Variants in LONRF1 observed in about 807,000 individuals in gnomAD.
LONRF1 encodes the protein LON peptidase N-terminal domain and RING finger protein 1.
Under a neutral mutation model 85.8 loss-of-function variants are expected in LONRF1, and 37 were observed. That is an observed-to-expected ratio of 0.43 (90% confidence interval 0.33 to 0.57). LONRF1 has a LOEUF of 0.57. LONRF1 is among the 20% of genes least tolerant of loss of function. LONRF1 has a pLI of 0.04. For synonymous variants in LONRF1, 517 were observed against 390.1 expected, an observed-to-expected ratio of 1.33 and a Z score of -3.83; for missense variants, 1,036 against 978.0, an observed-to-expected ratio of 1.06 and a Z score of -0.79.
intron 8 of LONRF1, 65 bp downstream of exon 8, chr8:12,731,671 G>C: frequency 7.2e-7 from 1 of 1,388,212 alleles, no homozygotes; most frequent in Non-Finnish European, 9.9e-7. Flanking sequence ...TCCAGCTTGC[G>C]GTGAGGTTTT....
At chr8:12,744,167 A>T (rs567619445) in intron 1 of LONRF1, among the ~76,000 whole-genome samples, 1 of 152,326 alleles carries the variant, frequency 6.6e-6, no homozygotes, top group African/African-American at 2.4e-5. Flanking sequence ...AGATGGGCAT[A>T]AAGACCTTAA....
Position 12,722,816 on chromosome 8 carries a change from A to G in LONRF1, c.*280T>C, listed in dbSNP as rs1036027440. 7.3e-6 allele frequency: 2 copies of G among 273,110 alleles called. No individual in the cohort carries two copies. Among genetic ancestry groups the G allele is most frequent in the African/African-American group, 4.4e-5 (2 of 45,800 alleles). 16.9% of individuals were successfully genotyped at this position (273,110 alleles called of 1,614,324 possible). A position where few individuals can be genotyped will look rare whatever the true frequency, so the allele number is the denominator to read the frequency against. On this transcript the variant is annotated 3_prime_UTR_variant, in exon 12 of 12. Transcript: ENST00000398246. ...CACACACACACTCTCTCACAGACAT[A>G]AAGAGTTCTTATTTCATTTTAGAGT...
intron 11 of LONRF1, 84 bp downstream of exon 11, chr8:12,725,643 G>C (rs905284687): frequency 2.9e-6 from 4 of 1,372,052 alleles, no homozygotes; most frequent in Non-Finnish European, 4.0e-6. Flanking sequence ...AGTGCAGAAA[G>C]GACAATGAGA....
intron 11 of LONRF1, among the ~76,000 whole-genome samples, chr8:12,724,229 T>C (rs962551194): frequency 2.0e-5 from 3 of 152,160 alleles, no homozygotes; most frequent in African/African-American, 7.2e-5. Flanking sequence ...AAGGCACTCT[T>C]GTTGGGTGTG....
rs374192881 is a variant in LONRF1 at position 12,741,013 on chromosome 8, T to C, written c.841-17A>G. The C allele has an allele frequency of 1.1e-5, 17 of 1,609,832 alleles. No homozygotes were observed. The highest frequency in any genetic ancestry group is 1.4e-5 in the Non-Finnish European group (17 of 1,178,252). ...GAAGTAGACCTTTAATAAAAGCAGA[T>C]ATATAAAACCTTTGTGTTAAGAATT... On this transcript the variant is annotated splice_polypyrimidine_tract_variant and intron_variant, in intron 2 of 11. Transcript: ENST00000398246.
At chr8:12,740,807 CT>C (rs878915211) in intron 3 of LONRF1, 66 bp downstream of exon 3, 8,070 of 1,336,314 alleles carry the variant, frequency 6.0e-3, no homozygotes, top group South Asian at 0.01. Flanking sequence ...CTTTTATTAG[CT>C]TTTTTTTTTA....
Position 12,755,075 on chromosome 8 carries a change from C to T in LONRF1, c.346G>A (p.Gly116Ser). The T allele has an allele frequency of 6.8e-7, 1 of 1,472,302 alleles. No individual in the cohort carries two copies. The highest frequency in any genetic ancestry group is 9.0e-7 in the Non-Finnish European group (1 of 1,117,172). The allele number at this position is 1,472,302 out of a possible 1,614,324, so 91.2% of individuals were successfully genotyped here. ...AGGCATCTGAGGAGCCCGCCGGCGC[C>T]GCCGTCAGCGCCTGCAACCGGGGCC... ...SAAPVAGADGGAGGLLRCLGC... is the reference protein window; with the variant it reads ...SAAPVAGADGSAGGLLRCLGC... Residue 116 changes from glycine (G) to serine (S), a missense_variant, in exon 1 of 12, where the codon GGC becomes AGC. Gly to Ser is a moderately conservative substitution (Grantham distance 56, BLOSUM62 0). Around this residue, in one of 3 missense-constraint regions of LONRF1, gnomAD observed 742 missense variants for 614.4 expected, o/e 1.21. Coordinates refer to ENST00000398246, the MANE Select transcript of LONRF1 (RefSeq NM_152271.5).
At chr8:12,751,134 T>C (rs79693513) in intron 1 of LONRF1, among the ~76,000 whole-genome samples, 3,843 of 152,266 alleles carry the variant, frequency 0.025, 94 homozygotes, top group South Asian at 0.12. Context: ...TGCAGAGCTT[T>C]AATCACTAAG....
In LONRF1 at chr8:12,754,966, C is replaced by T. The variant is rs1174333732; in HGVS notation, c.455G>A (p.Arg152His). 4.7e-6 allele frequency: 7 copies of T among 1,491,180 alleles called. No homozygotes were observed. Among genetic ancestry groups the T allele is most frequent in the Non-Finnish European group, 6.2e-6 (7 of 1,126,254 alleles). 92.4% of individuals were successfully genotyped at this position (1,491,180 alleles called of 1,614,324 possible). A position where few individuals can be genotyped will look rare whatever the true frequency, so the allele number is the denominator to read the frequency against. ...GTCCCGGCAGAGGCGGCAGCGGGCG[C>T]GGAGTTCCCTCCGCAGGCAGCGGCG... ...YCRRCLRREL[R>H]ARCRLCRDRL... is the part of the protein sequence containing the mutation. Residue 152 changes from arginine to histidine, a missense_variant, in exon 1 of 12, where the codon CGC (arginine) becomes CAC (histidine). Physicochemically the swap from Arg to His is conservative, Grantham distance 29. This residue lies in a region of LONRF1 where 742 missense variants were observed against 614.4 expected (regional missense o/e 1.21). Transcript: ENST00000398246.
Position 12,736,940 on chromosome 8 carries a change from A to T in LONRF1, c.1314T>A (p.Ile438=). The T allele has an allele frequency of 6.2e-7, 1 of 1,612,148 alleles. No individual in the cohort carries two copies. The highest frequency in any genetic ancestry group is 8.5e-7 in the Non-Finnish European group (1 of 1,179,248). ...RKLSLLEQDV[I]VNEDGRNKLK... ...GCTTATTTCTTCCATCTTCATTTAC[A>T]ATCACATCCTGTTCTAAAAGAGACA... is the stretch of plus-strand genomic sequence containing the variant. The change falls in exon 5 of 12, where the codon ATT becomes ATA. Residue 438 remains isoleucine (I), a synonymous_variant. Coordinates refer to ENST00000398246, the MANE Select transcript of LONRF1 (RefSeq NM_152271.5).
intron 8 of LONRF1, among the ~76,000 whole-genome samples, chr8:12,730,218 A>G (rs141638759): frequency 4.9e-4 from 75 of 152,354 alleles, no homozygotes; most frequent in African/African-American, 1.7e-3. Flanking sequence ...TATGAACTGA[A>G]TTAGAAGAAA....
At chr8:12,745,948 C>T (rs974469061) in intron 1 of LONRF1, among the ~76,000 whole-genome samples, 1 of 152,138 alleles carries the variant, frequency 6.6e-6, no homozygotes, top group Non-Finnish European at 1.5e-5. Flanking sequence ...ATTTTTCACC[C>T]TAACTTCAGA....
At chr8:12,746,056 A>C (rs1799140348) in intron 1 of LONRF1, among the ~76,000 whole-genome samples, 1 of 152,158 alleles carries the variant, frequency 6.6e-6, no homozygotes, top group Non-Finnish European at 1.5e-5. Context: ...TGACACCACT[A>C]ACTTCCCAAA....
intron 1 of LONRF1, among the ~76,000 whole-genome samples, chr8:12,750,093 T>C (rs909633822): frequency 1.2e-4 from 19 of 152,230 alleles, no homozygotes; most frequent in African/African-American, 4.3e-4. Context: ...TTTAACTTGG[T>C]CACTTACTTC....
intron 1 of LONRF1, among the ~76,000 whole-genome samples, chr8:12,752,190 AAG>A (rs1799435538): frequency 1.3e-5 from 2 of 152,222 alleles, no homozygotes; most frequent in Admixed American, 6.5e-5. Flanking sequence ...CAATAATGAC[AAG>A]ATCATTAATA....
chr8:12,722,780 GCACGCA>G lies in LONRF1; in HGVS notation c.*310_*315del. On this transcript the variant is annotated 3_prime_UTR_variant, in exon 12 of 12. Coordinates refer to ENST00000398246, the MANE Select transcript of LONRF1 (RefSeq NM_152271.5). ...CTACCCAACCCCCACAAGCACACAC[GCACGCA>G]CACACACACACACACTCTCTCACAG... The G allele has an allele frequency of 5.7e-6, 1 of 175,772 alleles. No homozygotes were observed. Among genetic ancestry groups the G allele is most frequent in the Non-Finnish European group, 1.2e-5 (1 of 83,102 alleles). 10.9% of individuals were successfully genotyped at this position (175,772 alleles called of 1,614,324 possible). A position where few individuals can be genotyped will look rare whatever the true frequency, so the allele number is the denominator to read the frequency against.
rs755144157 is a variant in LONRF1, at chr8:12,743,187, A to G, written c.817T>C (p.Phe273Leu). ...AAIEDLNAVL[F>L]QLPDWPEVYF... Reference sequence around the variant, plus strand: ...ACCTCAGGCCAATCTGGAAGTTGAAAAAGAACTGCATTTAAATCTTCTATG... The same window carrying G: ...ACCTCAGGCCAATCTGGAAGTTGAAGAAGAACTGCATTTAAATCTTCTATG... The change falls in exon 2 of 12, where the codon TTT becomes CTT. Residue 273 changes from phenylalanine (F) to leucine (L), a missense_variant. Physicochemically the swap from Phe to Leu is conservative, Grantham distance 22. Around this residue, in one of 3 missense-constraint regions of LONRF1, gnomAD observed 742 missense variants for 614.4 expected, o/e 1.21. Coordinates refer to ENST00000398246, the MANE Select transcript of LONRF1 (RefSeq NM_152271.5). 1.6e-5 allele frequency: 25 copies of G among 1,611,584 alleles called. No homozygotes were observed. Among genetic ancestry groups the G allele is most frequent in the African/African-American group, 2.7e-5 (2 of 74,868 alleles).
rs777383370 is a variant in LONRF1 at position 12,754,758 on chromosome 8, T to G, written c.663A>C (p.Leu221=). The change falls in exon 1 of 12, where the codon CTA becomes CTC. Residue 221 remains leucine, a synonymous_variant. Transcript: ENST00000398246. The part of the protein sequence containing the change: ...RARAAGRLGE[L]LHQGRYREAL... ...CCTCCCGGTAGCGCCCCTGGTGCAG[T>G]AGCTCCCCGAGCCTGCCGGCCGCCC... is the stretch of plus-strand genomic sequence containing the variant. 3.4e-6 allele frequency: 5 copies of G among 1,459,830 alleles called. No individual in the cohort carries two copies. Among genetic ancestry groups the G allele is most frequent in the African/African-American group, 1.5e-5 (1 of 66,958 alleles). 90.4% of individuals were successfully genotyped at this position (1,459,830 alleles called of 1,614,324 possible). A position where few individuals can be genotyped will look rare whatever the true frequency, so the allele number is the denominator to read the frequency against.
intron 7 of LONRF1, 41 bp downstream of exon 7, chr8:12,735,244 CA>C: frequency 7.4e-7 from 1 of 1,358,986 alleles, no homozygotes; most frequent in South Asian, 1.2e-5. Flanking sequence ...ACCATGCTGC[CA>C]AACTTAAGAC....
Sources: allele counts gnomAD v4.1 joint callset (sites outside exome capture counted in the v4.1 genomes callset), GRCh38; gene constraint gnomAD v4.1.1; regional missense constraint gnomAD v4.1.1; transcripts MANE v1.5; gene names NCBI Gene and HGNC (gene_info 2026-07-23, HGNC 2026-07-21).